Variants in TNS3 observed in about 807,000 individuals in gnomAD.
TNS3 encodes the protein tensin 3.
A neutral mutation model predicts 140.9 loss-of-function variants in TNS3; 45 were observed. The observed-to-expected ratio is 0.32, with a 90% CI of 0.25 to 0.41. The LOEUF is 0.41. Ranked by LOEUF, TNS3 falls within the 10% of genes least tolerant of loss-of-function variation. TNS3 has a pLI of 1.00. For missense variants in TNS3, 1,716 were observed against 1,906.7 expected, an observed-to-expected ratio of 0.90 and a Z score of 1.86; for synonymous variants, 815 against 788.4, an observed-to-expected ratio of 1.03 and a Z score of -0.56.
chr7:47,391,860 T>A (rs1337055097), intron 16 of TNS3, among the ~76,000 whole-genome samples: 8 of 152,104 alleles, frequency 5.3e-5, no homozygotes, highest in Admixed American at 5.2e-4. Flanking sequence ...CTCAGCCCAG[T>A]CTCACTGAGT....
chr7:47,467,510 A>T (rs944675198), intron 4 of TNS3, among the ~76,000 whole-genome samples: 43 of 152,204 alleles, frequency 2.8e-4, no homozygotes, highest in African/African-American at 9.4e-4. Context: ...TGAGACAATT[A>T]TCACAGCAGC....
At chr7:47,322,929 G>A (rs180775526) in intron 20 of TNS3, among the ~76,000 whole-genome samples, 27 of 152,276 alleles carry the variant, frequency 1.8e-4, no homozygotes, top group Middle Eastern at 6.8e-3. Flanking sequence ...TCAGAGGTGA[G>A]GCTGTGTCTC....
intron 10 of TNS3, among the ~76,000 whole-genome samples, chr7:47,420,621 G>C (rs1039910292): frequency 6.6e-6 from 1 of 152,188 alleles, no homozygotes; most frequent in South Asian, 2.1e-4. Context: ...ACAAGACATG[G>C]GAAGTGGGCC....
At chr7:47,539,184 G>A (rs1347087791) in intron 1 of TNS3, 1 of 454,768 alleles carries the variant, frequency 2.2e-6, no homozygotes, top group Non-Finnish European at 4.4e-6. Flanking sequence ...TACTCTCTGG[G>A]GTCCACCCAG....
At chr7:47,527,813 T>C (rs755985995) in intron 2 of TNS3, among the ~76,000 whole-genome samples, 42 of 150,626 alleles carry the variant, frequency 2.8e-4, no homozygotes, top group Non-Finnish European at 5.6e-4. Flanking sequence ...GTGGCTGAGG[T>C]GGGAGGATGG....
At chr7:47,372,103 G>A (rs936346619) in intron 16 of TNS3, among the ~76,000 whole-genome samples, 1 of 152,248 alleles carries the variant, frequency 6.6e-6, no homozygotes, top group African/African-American at 2.4e-5. Flanking sequence ...TTCAGCGTGT[G>A]AGAAGGAGGT....
At chr7:47,433,569 GAAGTGAACAACAACTA>G (rs1268555389) in intron 8 of TNS3, among the ~76,000 whole-genome samples, 1 of 152,156 alleles carries the variant, frequency 6.6e-6, no homozygotes, top group Non-Finnish European at 1.5e-5. Flanking sequence ...TTAAAAAATT[GAAGTGAACAACAACTA>G]AAATGGAATA....
intron 3 of TNS3, among the ~76,000 whole-genome samples, chr7:47,499,961 A>C (rs1408688865): frequency 6.6e-6 from 1 of 152,160 alleles, no homozygotes; most frequent in Non-Finnish European, 1.5e-5. Context: ...GCGTGTGTAC[A>C]TGTAAGCACG....
At chr7:47,546,863 A>G (rs1431596611) in intron 1 of TNS3, among the ~76,000 whole-genome samples, 1 of 152,182 alleles carries the variant, frequency 6.6e-6, no homozygotes, top group Non-Finnish European at 1.5e-5. Context: ...CCCGCCTGGT[A>G]AGACACGGCT....
intron 4 of TNS3, among the ~76,000 whole-genome samples, chr7:47,451,153 G>A (rs1184719857): frequency 6.6e-6 from 1 of 152,116 alleles, no homozygotes. Context: ...TTTTATGGAC[G>A]TCATGTTAGG....
intron 8 of TNS3, among the ~76,000 whole-genome samples, chr7:47,429,711 G>A (rs926021278): frequency 6.6e-6 from 1 of 152,122 alleles, no homozygotes; most frequent in Non-Finnish European, 1.5e-5. Context: ...GCCAACCCCT[G>A]ATCTGGAATC....
At chr7:47,291,903 G>A in intron 27 of TNS3, 52 bp downstream of exon 27, 1 of 1,577,912 alleles carries the variant, frequency 6.3e-7, no homozygotes, top group Non-Finnish European at 8.7e-7. Context: ...GTGTCAGTGA[G>A]TCCTTTTTCT....
intron 20 of TNS3, among the ~76,000 whole-genome samples, chr7:47,329,741 C>T (rs957089273): frequency 2.6e-5 from 4 of 152,116 alleles, no homozygotes; most frequent in East Asian, 1.9e-4. Context: ...GAGAGGAAGG[C>T]GGCACGGGGC....
intron 17 of TNS3, among the ~76,000 whole-genome samples, chr7:47,367,749 G>A (rs2151137899): frequency 6.6e-6 from 1 of 152,216 alleles, no homozygotes; most frequent in African/African-American, 2.4e-5. Context: ...CTCCACAGTA[G>A]AACCCCTTGT....
At chr7:47,576,045 AG>A (rs1800668356) in intron 1 of TNS3, among the ~76,000 whole-genome samples, 1 of 152,044 alleles carries the variant, frequency 6.6e-6, no homozygotes. Flanking sequence ...CCGGCTCTGC[AG>A]GTCTTTCCAG....
rs114022602 is a variant in TNS3, at chr7:47,397,028, C to T, written c.920-124G>A. 4.6e-4 allele frequency: 314 copies of T among 685,850 alleles called. No individual in the cohort carries two copies. The African/African-American group carries it at 4.9e-3, about 11-fold the overall frequency. The allele number at this position is 685,850 out of a possible 1,614,324, so 42.5% of individuals were successfully genotyped here. A position where few individuals can be genotyped will look rare whatever the true frequency, so the allele number is the denominator to read the frequency against. On this transcript the variant is annotated intron_variant, in intron 15 of 30. Coordinates refer to ENST00000311160, the MANE Select transcript of TNS3 (RefSeq NM_022748.12). ...AGGAGAGAGAAGCCTCTCCATCCTC[C>T]ACCCTCCTGCCAGGAGCCACAACAC...
intron 1 of TNS3, among the ~76,000 whole-genome samples, chr7:47,567,645 C>T (rs1284950563): frequency 6.9e-6 from 1 of 143,928 alleles, no homozygotes; most frequent in Non-Finnish European, 1.5e-5. Flanking sequence ...GATCATGCCA[C>T]TGCACTCCAG....
intron 20 of TNS3, among the ~76,000 whole-genome samples, chr7:47,318,641 C>T (rs1787549794): frequency 6.6e-6 from 1 of 152,108 alleles, no homozygotes; most frequent in Non-Finnish European, 1.5e-5. Context: ...AACAAAAACC[C>T]ACAAACAGAG....
intron 13 of TNS3, chr7:47,405,548 G>T (rs1456820894): frequency 1.4e-6 from 1 of 703,012 alleles, no homozygotes; most frequent in Non-Finnish European, 2.6e-6. Context: ...TCGCAATATT[G>T]TAATTCATGA....
Sources: gnomAD v4.1 joint callset for allele counts (sites outside exome capture counted in the v4.1 genomes callset) on GRCh38, gnomAD v4.1.1 for gene constraint, MANE v1.5 for transcripts, NCBI Gene and HGNC (gene_info 2026-07-23, HGNC 2026-07-21) for gene names.